Variants in HFE observed in about 807,000 individuals in gnomAD.
HFE encodes the protein hereditary hemochromatosis protein.
In HFE, 36 loss-of-function variants were observed where a neutral mutation model predicts 40.9. The observed-to-expected ratio is 0.88, with a 90% CI of 0.67 to 1.16. The LOEUF (loss-of-function observed/expected upper bound fraction) is 1.16. HFE is among the 50% of genes most tolerant of loss of function. HFE has a pLI of 0.00. For missense variants in HFE, 376 were observed against 432.0 expected, an observed-to-expected ratio of 0.87 and a Z score of 1.15; for synonymous variants, 157 against 165.4, an observed-to-expected ratio of 0.95 and a Z score of 0.39.
chr6:26,095,169 A>G lies in HFE; in HGVS notation c.*943A>G, dbSNP rs1762972551. ...ACAATAATTCTATGAGATAGGTACT[A>G]TTATCCCCATTTCTTTTTTAAATGA... is the stretch of plus-strand genomic sequence containing the variant. On this transcript the variant is annotated 3_prime_UTR_variant, in exon 6 of 6. Coordinates refer to ENST00000357618, the MANE Select transcript of HFE (RefSeq NM_000410.4). 6.6e-6 allele frequency: 1 copy of G among 152,246 alleles called. No homozygotes were observed. The highest frequency in any genetic ancestry group is 2.4e-5 in the African/African-American group (1 of 41,450). The allele number at this position is 152,246 out of a possible 1,614,324, so 9.4% of individuals were successfully genotyped here.
At chr6:26,092,052 TA>T in intron 3 of HFE, among the ~76,000 whole-genome samples, 1 of 151,578 alleles carries the variant, frequency 6.6e-6, no homozygotes, top group Non-Finnish European at 1.5e-5. Flanking sequence ...TGCGCACCTG[TA>T]GTCCCAGCTA....
intron 1 of HFE, among the ~76,000 whole-genome samples, chr6:26,089,320 G>A (rs1209698506): frequency 6.6e-6 from 1 of 152,168 alleles, no homozygotes; most frequent in Non-Finnish European, 1.5e-5. Context: ...GTAGTGCTGG[G>A]GAGTAGAGGC....
Position 26,096,557 on chromosome 6 carries a change from T to C in HFE, c.*2331T>C, listed in dbSNP as rs1763047831. ...GAAGGGCAGGTGCTTCAGGATACCA[T>C]ATACAGCTCAGAAGTTTCTTCTTTA... On this transcript the variant is annotated 3_prime_UTR_variant, in exon 6 of 6. Coordinates refer to ENST00000357618, the MANE Select transcript of HFE (RefSeq NM_000410.4). The C allele has an allele frequency of 6.6e-6, 3 of 456,398 alleles. No homozygotes were observed. Among genetic ancestry groups the C allele is most frequent in the Non-Finnish European group, 1.3e-5 (3 of 226,826 alleles). The allele number at this position is 456,398 out of a possible 1,614,324, so 28.3% of individuals were successfully genotyped here. A position where few individuals can be genotyped will look rare whatever the true frequency, so the allele number is the denominator to read the frequency against.
In HFE at chr6:26,093,017, G is replaced by T. The variant is rs368796579; in HGVS notation, c.892+57G>T. ...AAATCTATTGGGGGTTGAGAGGAGT[G>T]CCTGAGGAGGTAATTATGGCAGTGA... is the stretch of plus-strand genomic sequence containing the variant. On this transcript the variant is annotated intron_variant, in intron 4 of 5. Transcript: ENST00000357618. 10 of 1,613,996 alleles carry T rather than the reference G, an allele frequency of 6.2e-6. No homozygotes were observed. In the African/African-American group the frequency reaches 8.0e-5, roughly 13 times the overall value.
At position 26,096,766 on chromosome 6, in the gene HFE, T is replaced by C; in HGVS notation, c.*2540T>C. Reference sequence around the variant, plus strand: ...GAAAAACTATTAACAACTTGTCTATTACCTGTTAGTATTATTGTTGCATTA... The same window carrying C: ...GAAAAACTATTAACAACTTGTCTATCACCTGTTAGTATTATTGTTGCATTA... On this transcript the variant is annotated 3_prime_UTR_variant, in exon 6 of 6. Transcript: ENST00000357618. 1 of 365,686 alleles carries C rather than the reference T, an allele frequency of 2.7e-6. No homozygotes were observed. 22.7% of individuals were successfully genotyped at this position (365,686 alleles called of 1,614,324 possible).
intron 4 of HFE, 28 bp downstream of exon 4, chr6:26,092,988 G>C (rs779062354): frequency 6.2e-7 from 1 of 1,613,848 alleles, no homozygotes; most frequent in Non-Finnish European, 8.5e-7. Context: ...GCCAGGAGCT[G>C]AGAAAATCTA....
chr6:26,096,532 G>C lies in HFE; in HGVS notation c.*2306G>C, dbSNP rs1359684385. 2 of 456,388 alleles carry C rather than the reference G, an allele frequency of 4.4e-6. No homozygotes were observed. Among genetic ancestry groups the C allele is most frequent in the Non-Finnish European group, 8.8e-6 (2 of 226,822 alleles). The allele number at this position is 456,388 out of a possible 1,614,324, so 28.3% of individuals were successfully genotyped here. A position where few individuals can be genotyped will look rare whatever the true frequency, so the allele number is the denominator to read the frequency against. ...AAATGTGGTACAAGCATTCTGTCTTGAAGGGCAGGTGCTTCAGGATACCAT... is the reference window on the plus strand; with the variant it reads ...AAATGTGGTACAAGCATTCTGTCTTCAAGGGCAGGTGCTTCAGGATACCAT... On this transcript the variant is annotated 3_prime_UTR_variant, in exon 6 of 6. Transcript: ENST00000357618.
At chr6:26,087,563 A>C (rs779051787) in intron 1 of HFE, 47 bp downstream of exon 1, 1 of 1,540,412 alleles carries the variant, frequency 6.5e-7, no homozygotes. Context: ...CGGGGGTGGA[A>C]AAATCGAAAC....
chr6:26,094,614 T>C lies in HFE; in HGVS notation c.*388T>C, dbSNP rs1581675613. ...TTCATTTTAACATCTGAGAAAAGCTTTGAACCCTGGGACGTGGCTAGTCAT... is the reference window on the plus strand; with the variant it reads ...TTCATTTTAACATCTGAGAAAAGCTCTGAACCCTGGGACGTGGCTAGTCAT... On this transcript the variant is annotated 3_prime_UTR_variant, in exon 6 of 6. Transcript: ENST00000357618. The C allele has an allele frequency of 1.6e-6, 1 of 619,298 alleles. No homozygotes were observed. Among genetic ancestry groups the C allele is most frequent in the East Asian group, 2.7e-5 (1 of 36,484 alleles). The allele number at this position is 619,298 out of a possible 1,614,324, so 38.4% of individuals were successfully genotyped here.
chr6:26,094,174 T>C lies in HFE; in HGVS notation c.1007-12T>C. The C allele has an allele frequency of 6.2e-7, 1 of 1,613,702 alleles. No individual in the cohort carries two copies. On this transcript the variant is annotated splice_polypyrimidine_tract_variant and intron_variant, in intron 5 of 5. Coordinates refer to ENST00000357618, the MANE Select transcript of HFE (RefSeq NM_000410.4). The stretch of plus-strand genomic sequence containing the variant: ...TTGTGATGCCTCTTTCCTGGGTCTC[T>C]TGTCTCCACAGGAGGAGCCATGGGG...
At position 26,094,424 on chromosome 6, in the gene HFE, C is replaced by T. The variant is rs544604880; in HGVS notation, c.*198C>T. On this transcript the variant is annotated 3_prime_UTR_variant, in exon 6 of 6. Coordinates refer to ENST00000357618, the MANE Select transcript of HFE (RefSeq NM_000410.4). ...TTTAGGTTTCTGAGTTCCTGCATGCCGGTGATCCCTAGCTGTGACCTCTCC... is the reference window on the plus strand; with the variant it reads ...TTTAGGTTTCTGAGTTCCTGCATGCTGGTGATCCCTAGCTGTGACCTCTCC... 2.4e-4 allele frequency: 172 copies of T among 707,740 alleles called. No individual in the cohort carries two copies. Among genetic ancestry groups the T allele is most frequent in the Admixed American group, 1.2e-3 (58 of 50,014 alleles). The allele number at this position is 707,740 out of a possible 1,614,324, so 43.8% of individuals were successfully genotyped here.
intron 5 of HFE, 105 bp from the exon 6 acceptor site, chr6:26,094,081 C>T: frequency 1.9e-6 from 2 of 1,070,886 alleles, no homozygotes; most frequent in Non-Finnish European, 2.9e-6. Context: ...CAATAGTGCC[C>T]AGGTCTAAAT....
chr6:26,087,639 C>G, intron 1 of HFE, 123 bp downstream of exon 1: 1 of 773,470 alleles, frequency 1.3e-6, no homozygotes, highest in Non-Finnish European at 2.1e-6. Context: ...ATCCGCAAGC[C>G]CCTCTCCCTA....
Position 26,094,601 on chromosome 6 carries a change from T to C in HFE, c.*375T>C. 1 of 629,796 alleles carries C rather than the reference T, an allele frequency of 1.6e-6. No individual in the cohort carries two copies. The highest frequency in any genetic ancestry group is 2.8e-6 in the Non-Finnish European group (1 of 353,468). The allele number at this position is 629,796 out of a possible 1,614,324, so 39.0% of individuals were successfully genotyped here. On this transcript the variant is annotated 3_prime_UTR_variant, in exon 6 of 6. Coordinates refer to ENST00000357618, the MANE Select transcript of HFE (RefSeq NM_000410.4). ...GGGACTTACATGATTCATTTTAACATCTGAGAAAAGCTTTGAACCCTGGGA... is the reference window on the plus strand; with the variant it reads ...GGGACTTACATGATTCATTTTAACACCTGAGAAAAGCTTTGAACCCTGGGA...
intron 1 of HFE, 33 bp from the exon 2 acceptor site, chr6:26,090,808 A>G (rs1204290282): frequency 6.2e-7 from 1 of 1,611,562 alleles, no homozygotes; most frequent in Admixed American, 1.7e-5. Context: ...CCCTCCTACT[A>G]CACATGGTTA....
At position 26,096,632 on chromosome 6, in the gene HFE, C is replaced by A. The variant is rs1328137321; in HGVS notation, c.*2406C>A. 4.5e-6 allele frequency: 2 copies of A among 447,894 alleles called. No homozygotes were observed. Among genetic ancestry groups the A allele is most frequent in the East Asian group, 7.0e-5 (1 of 14,332 alleles). 27.7% of individuals were successfully genotyped at this position (447,894 alleles called of 1,614,324 possible). On this transcript the variant is annotated 3_prime_UTR_variant, in exon 6 of 6. Coordinates refer to ENST00000357618, the MANE Select transcript of HFE (RefSeq NM_000410.4). ...CTCATCTCTTCTTTTAAACCATTTT[C>A]TTTTTTTGTGGTTAGAAAAGTTATG...
rs1190990892 is a variant in HFE, at chr6:26,092,908, T to C, written c.840T>C (p.Tyr280=). 1.2e-6 allele frequency: 2 copies of C among 1,614,194 alleles called. No individual in the cohort carries two copies. The highest frequency in any genetic ancestry group is 2.2e-5 in the East Asian group (1 of 44,880). ...LAVPPGEEQR[Y]TCQVEHPGLD... is the part of the protein sequence containing the mutation. ...TACCCCCTGGGGAAGAGCAGAGATA[T>C]ACGTGCCAGGTGGAGCACCCAGGCC... The change falls in exon 4 of 6, where the codon TAT becomes TAC. Residue 280 remains tyrosine (Y), a synonymous_variant. Transcript: ENST00000357618.
At position 26,092,888 on chromosome 6, in the gene HFE, C is replaced by T; in HGVS notation, c.820C>T (p.Pro274Ser). The change falls in exon 4 of 6, where the codon CCT (proline) becomes TCT (serine). Residue 274 changes from proline to serine, a missense_variant. Physicochemically the swap from Pro to Ser is moderately conservative, Grantham distance 74. This residue lies in a region of HFE where 173 missense variants were observed against 186.9 expected (regional missense o/e 0.93). Transcript: ENST00000357618. ...GGGCTGGATAACCTTGGCTGTACCC[C>T]CTGGGGAAGAGCAGAGATATACGTG... ...YQGWITLAVP[P>S]GEEQRYTCQV... 2 of 1,614,180 alleles carry T rather than the reference C, an allele frequency of 1.2e-6. No homozygotes were observed. The highest frequency in any genetic ancestry group is 1.7e-6 in the Non-Finnish European group (2 of 1,180,030).
chr6:26,094,182 A>G lies in HFE; in HGVS notation c.1007-4A>G. 6.2e-7 allele frequency: 1 copy of G among 1,613,876 alleles called. No individual in the cohort carries two copies. The highest frequency in any genetic ancestry group is 1.1e-5 in the South Asian group (1 of 91,066). ...CCTCTTTCCTGGGTCTCTTGTCTCC[A>G]CAGGAGGAGCCATGGGGCACTACGT... On this transcript the variant is annotated splice_polypyrimidine_tract_variant and splice_region_variant and intron_variant, in intron 5 of 5. Transcript: ENST00000357618.
Sources: allele counts gnomAD v4.1 joint callset (sites outside exome capture counted in the v4.1 genomes callset), GRCh38; gene constraint gnomAD v4.1.1; regional missense constraint gnomAD v4.1.1; transcripts MANE v1.5; gene names NCBI Gene and HGNC (gene_info 2026-07-23, HGNC 2026-07-21).